RALYL: variants seen among roughly 807,000 people sequenced by gnomAD.
RALYL encodes the protein RNA-binding Raly-like protein.
A neutral mutation model predicts 35.1 loss-of-function variants in RALYL; 29 were observed. The observed-to-expected ratio is 0.83, with a 90% CI of 0.61 to 1.13. The LOEUF (loss-of-function observed/expected upper bound fraction) is 1.13, where lower values mean the gene tolerates loss of function less well. Ranked by LOEUF, RALYL falls within the 50% of genes most tolerant of loss-of-function variation. The pLI is 0.00. For synonymous variants in RALYL, 120 were observed against 127.6 expected (o/e 0.94, Z 0.40); for missense variants, 359 against 360.4 (o/e 1.00, Z 0.03).
chr8:84,329,699 A>G (rs1846468408), intron 1 of RALYL, among the ~76,000 whole-genome samples: 1 of 152,076 alleles, frequency 6.6e-6, no homozygotes, highest in Non-Finnish European at 1.5e-5. Flanking sequence ...TATTTTATTA[A>G]TGAAATATAA....
intron 1 of RALYL, among the ~76,000 whole-genome samples, chr8:84,335,246 C>T (rs750551428): frequency 3.9e-5 from 6 of 152,136 alleles, no homozygotes; most frequent in Admixed American, 1.3e-4. Context: ...TGGCCTCTTA[C>T]GACATATTCT....
chr8:84,446,044 T>A (rs1219853538), intron 1 of RALYL, among the ~76,000 whole-genome samples: 2 of 152,058 alleles, frequency 1.3e-5, no homozygotes, highest in African/African-American at 4.8e-5. Flanking sequence ...TTAGATTTCC[T>A]TGTTTTATAT....
chr8:84,785,004 A>G (rs1485762584), intron 3 of RALYL, among the ~76,000 whole-genome samples: 2 of 151,220 alleles, frequency 1.3e-5, no homozygotes, highest in Non-Finnish European at 2.9e-5. Context: ...GTTGACATCT[A>G]TTTTGCTTAT....
At chr8:84,536,277 G>A (rs1396725393) in intron 2 of RALYL, among the ~76,000 whole-genome samples, 1 of 152,086 alleles carries the variant, frequency 6.6e-6, no homozygotes, top group African/African-American at 2.4e-5. Flanking sequence ...TGAAAAATAC[G>A]GAGTACCAAG....
chr8:84,204,249 C>T (rs1347906915), intron 1 of RALYL, among the ~76,000 whole-genome samples: 1 of 148,670 alleles, frequency 6.7e-6, no homozygotes, highest in Admixed American at 6.7e-5. Flanking sequence ...GACTCTAGCT[C>T]AGAAAAAAAA....
intron 1 of RALYL, among the ~76,000 whole-genome samples, chr8:84,232,471 G>C (rs1295543443): frequency 6.6e-6 from 1 of 151,942 alleles, no homozygotes; most frequent in East Asian, 1.9e-4. Flanking sequence ...AAAAGTAAAG[G>C]ATACAAAATT....
At chr8:84,916,655 C>T (rs1848531484) in intron 8 of RALYL, among the ~76,000 whole-genome samples, 1 of 152,106 alleles carries the variant, frequency 6.6e-6, no homozygotes, top group Non-Finnish European at 1.5e-5. Flanking sequence ...ATCCACTAAA[C>T]CCTTTTTCCT....
intron 2 of RALYL, among the ~76,000 whole-genome samples, chr8:84,650,601 G>A: frequency 6.6e-6 from 1 of 152,002 alleles, no homozygotes; most frequent in Non-Finnish European, 1.5e-5. Context: ...TGGAGAAATA[G>A]GAGCACTTTT....
At chr8:84,407,747 G>C (rs923073207) in intron 1 of RALYL, among the ~76,000 whole-genome samples, 13 of 152,062 alleles carry the variant, frequency 8.5e-5, no homozygotes, top group Non-Finnish European at 1.5e-5. Flanking sequence ...TTGCAAAACT[G>C]ATACTAAGAA....
intron 2 of RALYL, among the ~76,000 whole-genome samples, chr8:84,615,253 G>C (rs954659856): frequency 4.0e-5 from 6 of 151,146 alleles, no homozygotes; most frequent in African/African-American, 2.5e-5. Context: ...AGGACTGTTA[G>C]AGATTCTTTC....
intron 3 of RALYL, among the ~76,000 whole-genome samples, chr8:84,789,670 C>A (rs1425761407): frequency 6.6e-6 from 1 of 152,102 alleles, no homozygotes; most frequent in Non-Finnish European, 1.5e-5. Flanking sequence ...CCAGCTTGGG[C>A]AACATGGTGA....
chr8:84,340,238 ATCAGG>A (rs1173900127), intron 1 of RALYL, among the ~76,000 whole-genome samples: 1 of 152,126 alleles, frequency 6.6e-6, no homozygotes, highest in African/African-American at 2.4e-5. Context: ...GGACTAATAC[ATCAGG>A]TCTTTGCTAG....
intron 1 of RALYL, among the ~76,000 whole-genome samples, chr8:84,372,887 T>G (rs13282632): frequency 1.5e-5 from 1 of 64,580 alleles, no homozygotes; most frequent in Non-Finnish European, 2.9e-5. Flanking sequence ...CCAGCATCTG[T>G]TTTTTTTTTT....
chr8:84,362,598 T>C (rs114380740), intron 1 of RALYL, among the ~76,000 whole-genome samples: 5,781 of 152,166 alleles, frequency 0.038, 153 homozygotes, highest in East Asian at 0.13. Context: ...GGGATCCAGG[T>C]TGCACACTCC....
intron 3 of RALYL, among the ~76,000 whole-genome samples, chr8:84,801,988 T>C (rs1364908428): frequency 6.6e-6 from 1 of 152,174 alleles, no homozygotes; most frequent in African/African-American, 2.4e-5. Context: ...AGAAAGCCTA[T>C]TTTAGGAGGT....
intron 1 of RALYL, among the ~76,000 whole-genome samples, chr8:84,332,661 AT>A (rs565378468): frequency 6.6e-6 from 1 of 152,210 alleles, no homozygotes; most frequent in African/African-American, 2.4e-5. Flanking sequence ...CAAGTTTATA[AT>A]TTTTAAACTC....
rs1452943416 is a variant in RALYL at position 84,442,695 on chromosome 8, G to A, written c.-23-86604G>A. On this transcript the variant is annotated intron_variant, in intron 1 of 8. Coordinates refer to ENST00000521268, the MANE Select transcript of RALYL (RefSeq NM_173848.7). ...GAAGCTGTGAACTACATTTTTGGTT[G>A]CAAGCTTGGAGGCAGAGGATACTCT... 2.0e-5 allele frequency among the ~76,000 whole-genome samples: 3 copies of A among 152,218 alleles called. No individual in the cohort carries two copies. The East Asian group carries it at 5.8e-4, about 30-fold the overall frequency.
chr8:84,474,694 G>A lies in RALYL; in HGVS notation c.-23-54605G>A, dbSNP rs537986981. 3.3e-5 allele frequency among the ~76,000 whole-genome samples: 5 copies of A among 152,150 alleles called. No individual in the cohort carries two copies. The South Asian group carries it at 6.2e-4, about 19-fold the overall frequency. ...CAGTCTCATGACATTGTAAAGAGAC[G>A]TCCCTGTAAATGTACCTGAATCAAA... On this transcript the variant is annotated intron_variant, in intron 1 of 8. Coordinates refer to ENST00000521268, the MANE Select transcript of RALYL (RefSeq NM_173848.7).
At chr8:84,273,779 C>T (rs957534408) in intron 1 of RALYL, among the ~76,000 whole-genome samples, 4 of 152,168 alleles carry the variant, frequency 2.6e-5, no homozygotes, top group Admixed American at 1.3e-4. Flanking sequence ...AAAAATCAGG[C>T]AATATAATGA....
Sources: allele counts gnomAD v4.1 joint callset (sites outside exome capture counted in the v4.1 genomes callset), GRCh38; gene constraint gnomAD v4.1.1; transcripts MANE v1.5; gene names NCBI Gene and HGNC (gene_info 2026-07-23, HGNC 2026-07-21).